Variants in NTM observed in about 807,000 individuals in gnomAD.
NTM encodes IgLON family member 2.
A neutral mutation model predicts 42.1 loss-of-function variants in NTM; 13 were observed. The ratio of observed to expected loss-of-function variants is 0.31; its 90% CI spans 0.20 to 0.49. NTM has a LOEUF of 0.49. Among genes scored for constraint, NTM ranks in the 20% least tolerant of loss-of-function variants. The probability of loss-of-function intolerance (pLI) is 0.99; values close to 1 mark genes in which losing one functional copy is unlikely to be tolerated. For synonymous variants in NTM, 187 were observed against 179.2 expected, an observed-to-expected ratio of 1.04 and a Z score of -0.35; for missense variants, 373 against 452.8, an observed-to-expected ratio of 0.82 and a Z score of 1.60.
At position 131,674,038 on chromosome 11, in the gene NTM, A is replaced by AT. The variant is rs561032642; in HGVS notation, c.83-237522dup. On this transcript the variant is annotated intron_variant, in intron 1 of 8. Transcript: ENST00000683400. ...GGAAGAAAACAAGTGAAAATATGTT[A>AT]TTTTACAACCTTGATACTTCTGACC... 5.3e-3 allele frequency among the ~76,000 whole-genome samples: 808 copies of AT among 152,326 alleles called. 8 individuals carry two copies. Among genetic ancestry groups the AT allele is most frequent in the African/African-American group, 0.019 (774 of 41,580 alleles).
intron 1 of NTM, among the ~76,000 whole-genome samples, chr11:131,789,935 G>C (rs558491554): frequency 8.8e-6 from 1 of 113,484 alleles, no homozygotes; most frequent in Non-Finnish European, 1.6e-5. Context: ...CAGCCTGGGC[G>C]ACAGAGCGAG....
chr11:131,598,765 T>TC lies in NTM; in HGVS notation c.82+227877_82+227878insC, dbSNP rs879593429. On this transcript the variant is annotated intron_variant, in intron 1 of 8. Transcript: ENST00000683400. ...TTTCTTTCTTTCTTTCTTCTTTCTT[T>TC]TTTTCTTTCTTTCTTTCTTCTTTCT... 6.1e-3 allele frequency among the ~76,000 whole-genome samples: 329 copies of TC among 54,126 alleles called. 13 individuals carry two copies. Among genetic ancestry groups the TC allele is most frequent in the East Asian group, 8.8e-3 (16 of 1,810 alleles). 35.5% of individuals were successfully genotyped at this position (54,126 alleles called of 152,430 possible).
intron 1 of NTM, among the ~76,000 whole-genome samples, chr11:131,594,738 T>A (rs2059669808): frequency 2.0e-5 from 3 of 152,098 alleles, no homozygotes. Flanking sequence ...CTCCTTCTGA[T>A]GAAAATATTG....
chr11:132,216,910 C>G (rs1370988769), intron 4 of NTM, among the ~76,000 whole-genome samples: 1 of 152,224 alleles, frequency 6.6e-6, no homozygotes, highest in Non-Finnish European at 1.5e-5. Flanking sequence ...GATCTCCAAG[C>G]CTTTCCTGAA....
chr11:131,940,113 C>G lies in NTM; in HGVS notation c.167+28465C>G, dbSNP rs78475439. ...GCTTTTCTCACTGTTTTTAGTCTCA[C>G]TGAAGATGATCCCAGTATGGGATGA... On this transcript the variant is annotated intron_variant, in intron 2 of 8. Transcript: ENST00000683400. 3.1e-3 allele frequency among the ~76,000 whole-genome samples: 468 copies of G among 152,348 alleles called. 3 individuals are homozygous for G. The highest frequency in any genetic ancestry group is 0.011 in the African/African-American group (444 of 41,580).
intron 2 of NTM, among the ~76,000 whole-genome samples, chr11:131,989,717 G>A (rs1045443381): frequency 6.7e-6 from 1 of 149,332 alleles, no homozygotes. Context: ...TTAGATACAT[G>A]CACACACACA....
At chr11:131,776,183 A>G (rs2086938371) in intron 1 of NTM, among the ~76,000 whole-genome samples, 1 of 152,214 alleles carries the variant, frequency 6.6e-6, no homozygotes, top group Non-Finnish European at 1.5e-5. Flanking sequence ...TGCTTAACTG[A>G]GAAATTTTAG....
chr11:132,315,625 CTTATATTCT>C (rs1265967639), intron 7 of NTM, among the ~76,000 whole-genome samples: 1 of 152,160 alleles, frequency 6.6e-6, no homozygotes, highest in Non-Finnish European at 1.5e-5. Flanking sequence ...ACACAAATTC[CTTATATTCT>C]GAAAACTTTG....
At chr11:131,962,572 T>G (rs975428645) in intron 2 of NTM, among the ~76,000 whole-genome samples, 1 of 152,216 alleles carries the variant, frequency 6.6e-6, no homozygotes, top group Non-Finnish European at 1.5e-5. Flanking sequence ...TCTGCTGGCA[T>G]CTGGATCTTG....
At chr11:132,194,791 A>G (rs1287661647) in intron 3 of NTM, among the ~76,000 whole-genome samples, 2 of 150,564 alleles carry the variant, frequency 1.3e-5, no homozygotes, top group Non-Finnish European at 3.0e-5. Flanking sequence ...AAATCAATGT[A>G]CACAAATCAG....
intron 1 of NTM, among the ~76,000 whole-genome samples, chr11:131,591,746 G>A: frequency 6.6e-6 from 1 of 152,146 alleles, no homozygotes; most frequent in Non-Finnish European, 1.5e-5. Flanking sequence ...ACAGCCACTG[G>A]GAAAATACCC....
intron 1 of NTM, among the ~76,000 whole-genome samples, chr11:131,524,813 G>A (rs557736138): frequency 6.6e-6 from 1 of 152,184 alleles, no homozygotes; most frequent in Non-Finnish European, 1.5e-5. Context: ...AGTGGCGGCC[G>A]GGACCAGCCC....
In NTM at chr11:131,828,046, A is replaced by G. The variant is rs368400214; in HGVS notation, c.83-83518A>G. On this transcript the variant is annotated intron_variant, in intron 1 of 8. Coordinates refer to ENST00000683400, the MANE Select transcript of NTM (RefSeq NM_001352005.2). ...CTGGAGTCAAACTGCCTGGGTTCAA[A>G]TATCTCACTCAACATATAGGTATGT... is the stretch of plus-strand genomic sequence containing the variant. Among the ~76,000 whole-genome samples the G allele has an allele frequency of 2.6e-5, 4 of 152,220 alleles. No individual in the cohort carries two copies. The East Asian group carries it at 5.8e-4, about 22-fold the overall frequency.
intron 3 of NTM, among the ~76,000 whole-genome samples, chr11:132,184,235 G>C (rs79171562): frequency 0.042 from 6,363 of 152,288 alleles, 430 homozygotes; most frequent in African/African-American, 0.14. Flanking sequence ...CCAAGGCAGA[G>C]AAAAGAGGTC....
intron 3 of NTM, among the ~76,000 whole-genome samples, chr11:132,155,855 G>T (rs919994833): frequency 1.3e-5 from 2 of 152,184 alleles, no homozygotes; most frequent in African/African-American, 4.8e-5. Flanking sequence ...GATGAGATGG[G>T]TCCCTACAAT....
At chr11:131,597,775 T>C (rs1418595658) in intron 1 of NTM, among the ~76,000 whole-genome samples, 1 of 152,074 alleles carries the variant, frequency 6.6e-6, no homozygotes, top group Non-Finnish European at 1.5e-5. Flanking sequence ...ATCAAGGGAG[T>C]GCACATCTCC....
intron 1 of NTM, among the ~76,000 whole-genome samples, chr11:131,382,875 T>G (rs562614849): frequency 3.5e-4 from 53 of 152,348 alleles, no homozygotes; most frequent in Non-Finnish European, 5.9e-4. Context: ...TTGGACTTTA[T>G]AGTTACATAG....
intron 2 of NTM, among the ~76,000 whole-genome samples, chr11:131,945,093 GA>G (rs934831211): frequency 2.6e-5 from 4 of 152,024 alleles, no homozygotes; most frequent in African/African-American, 4.8e-5. Flanking sequence ...CACAAATCCG[GA>G]AAAAAAGCAG....
chr11:131,772,025 T>G (rs908047594), intron 1 of NTM, among the ~76,000 whole-genome samples: 8 of 152,312 alleles, frequency 5.3e-5, no homozygotes, highest in Non-Finnish European at 1.2e-4. Context: ...GTTTCACTGT[T>G]GTTTGTTTAT....
Sources: allele counts gnomAD v4.1 joint callset (sites outside exome capture counted in the v4.1 genomes callset), GRCh38; gene constraint gnomAD v4.1.1; transcripts MANE v1.5; gene names NCBI Gene and HGNC (gene_info 2026-07-23, HGNC 2026-07-21).